TMED5: variants seen among roughly 807,000 people sequenced by gnomAD.
The protein encoded by TMED5 is transmembrane emp24 domain-containing protein 5.
Under a neutral mutation model 23.0 loss-of-function variants are expected in TMED5, and 27 were observed. The observed-to-expected ratio is 1.17, with a 90% CI of 0.86 to 1.62. The LOEUF (loss-of-function observed/expected upper bound fraction) is 1.62. Ranked by LOEUF, TMED5 falls within the 40% of genes most tolerant of loss-of-function variation. The pLI, the probability that TMED5 is intolerant of heterozygous loss-of-function variation, is 0.00. For missense variants in TMED5, 248 were observed against 273.7 expected (o/e 0.91, Z 0.66); for synonymous variants, 97 against 100.8 (o/e 0.96, Z 0.23).
chr1:93,180,369 G>C lies in TMED5; in HGVS notation c.-127C>G. 3 of 1,294,950 alleles carry C rather than the reference G, an allele frequency of 2.3e-6. No individual in the cohort carries two copies. Among genetic ancestry groups the C allele is most frequent in the Non-Finnish European group, 3.2e-6 (3 of 952,058 alleles). The allele number at this position is 1,294,950 out of a possible 1,614,324, so 80.2% of individuals were successfully genotyped here. A position where few individuals can be genotyped will look rare whatever the true frequency, so the allele number is the denominator to read the frequency against. On this transcript the variant is annotated 5_prime_UTR_variant, in exon 1 of 4. Coordinates refer to ENST00000370282, the MANE Select transcript of TMED5 (RefSeq NM_016040.5). ...TCTGAAGAAACTCCAGGTGGCGGCC[G>C]CGGCGGCGGCGAACACTCCCTCCGA...
rs1466194686 is a variant in TMED5, at chr1:93,150,950, C to G, written c.*3720G>C. On this transcript the variant is annotated 3_prime_UTR_variant, in exon 4 of 4. Transcript: ENST00000370282. The stretch of plus-strand genomic sequence containing the variant: ...TGTTAAAACAGAAACAAAAACAACA[C>G]AAGTACTAAAACGAGGGTTTTTGTT... 3.3e-5 allele frequency: 5 copies of G among 152,166 alleles called. No individual in the cohort carries two copies. The highest frequency in any genetic ancestry group is 7.3e-5 in the Non-Finnish European group (5 of 68,032). The allele number at this position is 152,166 out of a possible 1,614,324, so 9.4% of individuals were successfully genotyped here. A position where few individuals can be genotyped will look rare whatever the true frequency, so the allele number is the denominator to read the frequency against.
chr1:93,153,122 T>TCTAA lies in TMED5; in HGVS notation c.*1544_*1547dup, dbSNP rs1352501399. 1.3e-5 allele frequency: 2 copies of TCTAA among 152,730 alleles called. No homozygotes were observed. The highest frequency in any genetic ancestry group is 1.9e-4 in the East Asian group (1 of 5,186). The allele number at this position is 152,730 out of a possible 1,614,324, so 9.5% of individuals were successfully genotyped here. A position where few individuals can be genotyped will look rare whatever the true frequency, so the allele number is the denominator to read the frequency against. On this transcript the variant is annotated 3_prime_UTR_variant, in exon 4 of 4. Transcript: ENST00000370282. ...CTATACCCCAAATTTTAAGTTTGTT[T>TCTAA]CTAACTCACAATGTAGTCATAAACA...
chr1:93,179,990 TGA>T, intron 1 of TMED5, 62 bp downstream of exon 1: 1 of 1,513,462 alleles, frequency 6.6e-7, no homozygotes, highest in Non-Finnish European at 9.0e-7. Flanking sequence ...TCTAAACGGG[TGA>T]GAGGCGACAA....
At position 93,151,225 on chromosome 1, in the gene TMED5, T is replaced by C. The variant is rs1285892757; in HGVS notation, c.*3445A>G. 6.6e-6 allele frequency: 1 copy of C among 152,158 alleles called. No homozygotes were observed. Among genetic ancestry groups the C allele is most frequent in the Non-Finnish European group, 1.5e-5 (1 of 68,030 alleles). The allele number at this position is 152,158 out of a possible 1,614,324, so 9.4% of individuals were successfully genotyped here. ...AGAAGCCTTAGACACCTGAAAGTGA[T>C]AGCAGTGCAGAAGCAGAAAGGTGCC... On this transcript the variant is annotated 3_prime_UTR_variant, in exon 4 of 4. Coordinates refer to ENST00000370282, the MANE Select transcript of TMED5 (RefSeq NM_016040.5).
chr1:93,155,727 C>G (rs1288968720), intron 3 of TMED5, among the ~76,000 whole-genome samples: 1 of 151,992 alleles, frequency 6.6e-6, no homozygotes, highest in African/African-American at 2.4e-5. Flanking sequence ...TGATCCTCCC[C>G]CTAACCTTCT....
chr1:93,164,367 G>A (rs1370875732), intron 1 of TMED5, among the ~76,000 whole-genome samples: 1 of 152,130 alleles, frequency 6.6e-6, no homozygotes, highest in South Asian at 2.1e-4. Flanking sequence ...AGGTCATGAA[G>A]CTTTGGGGCT....
intron 2 of TMED5, chr1:93,158,974 T>C (rs1648172879): frequency 2.3e-6 from 1 of 439,790 alleles, no homozygotes; most frequent in Admixed American, 6.4e-5. Flanking sequence ...TAATAGCTTA[T>C]GCAAATATTT....
At chr1:93,168,823 A>C (rs1436998491) in intron 1 of TMED5, among the ~76,000 whole-genome samples, 2 of 152,194 alleles carry the variant, frequency 1.3e-5, no homozygotes, top group African/African-American at 2.4e-5. Flanking sequence ...CGACAGAGCG[A>C]GCAAGACTCT....
intron 2 of TMED5, among the ~76,000 whole-genome samples, chr1:93,159,361 G>A (rs1214006771): frequency 1.3e-5 from 2 of 152,030 alleles, no homozygotes; most frequent in Non-Finnish European, 2.9e-5. Flanking sequence ...TAATTTAGAA[G>A]CCTATAACAT....
In TMED5 at chr1:93,180,008, T is replaced by C. The variant is rs146899580; in HGVS notation, c.189+46A>G. 886 of 1,576,886 alleles carry C rather than the reference T, an allele frequency of 5.6e-4. 3 individuals carry two copies. In the African/African-American group the frequency reaches 0.01, roughly 19 times the overall value. On this transcript the variant is annotated intron_variant, in intron 1 of 3. Coordinates refer to ENST00000370282, the MANE Select transcript of TMED5 (RefSeq NM_016040.5). ...AAACGGGTGAGAGGCGACAACGCAG[T>C]GCAGCTGGGTTAAAGGAAGGAGGCT...
chr1:93,163,176 C>CA (rs1648347847), intron 1 of TMED5: 1 of 151,510 alleles, frequency 6.6e-6, no homozygotes, highest in Non-Finnish European at 1.5e-5. Flanking sequence ...CCTCCAAAAA[C>CA]AAAAAATATA....
At chr1:93,164,453 G>A (rs1648411097) in intron 1 of TMED5, among the ~76,000 whole-genome samples, 1 of 152,038 alleles carries the variant, frequency 6.6e-6, no homozygotes, top group Admixed American at 6.5e-5. Flanking sequence ...TCAGTAAAAG[G>A]GTTAATTTTT....
chr1:93,175,058 A>C (rs1186139973), intron 1 of TMED5, among the ~76,000 whole-genome samples: 1 of 148,220 alleles, frequency 6.7e-6, no homozygotes, highest in Non-Finnish European at 1.5e-5. Flanking sequence ...AAAAGTATAT[A>C]TACACACACA....
At chr1:93,177,672 CA>C (rs1207261041) in intron 1 of TMED5, among the ~76,000 whole-genome samples, 10 of 147,134 alleles carry the variant, frequency 6.8e-5, no homozygotes, top group Middle Eastern at 3.4e-3. Context: ...AAGCCAGCTA[CA>C]TAACTATAGA....
At chr1:93,155,286 T>G (rs1648026626) in intron 3 of TMED5, among the ~76,000 whole-genome samples, 1 of 152,216 alleles carries the variant, frequency 6.6e-6, no homozygotes, top group Admixed American at 6.5e-5. Flanking sequence ...CAATTTTAAG[T>G]TAGATGGCTG....
intron 1 of TMED5, among the ~76,000 whole-genome samples, chr1:93,176,044 A>C (rs1648899278): frequency 6.6e-6 from 1 of 152,198 alleles, no homozygotes. Context: ...CTTTTAAAAA[A>C]CACAGATCGA....
At chr1:93,164,944 CCT>C (rs1648437021) in intron 1 of TMED5, among the ~76,000 whole-genome samples, 1 of 152,208 alleles carries the variant, frequency 6.6e-6, no homozygotes, top group South Asian at 2.1e-4. Context: ...TTTCTCTTGC[CCT>C]CTTACTTGCT....
chr1:93,155,605 CTG>C (rs903737876), intron 3 of TMED5, among the ~76,000 whole-genome samples: 2 of 147,284 alleles, frequency 1.4e-5, no homozygotes, highest in African/African-American at 2.5e-5. Flanking sequence ...CAACCTGAGA[CTG>C]TGCCTGGTCA....
intron 1 of TMED5, among the ~76,000 whole-genome samples, chr1:93,163,382 T>C (rs1176828822): frequency 6.6e-6 from 1 of 151,324 alleles, no homozygotes; most frequent in African/African-American, 2.4e-5. Flanking sequence ...TCTCGCTTTG[T>C]TGCCCAGGCT....
Sources: gnomAD v4.1 joint callset for allele counts (sites outside exome capture counted in the v4.1 genomes callset) on GRCh38, gnomAD v4.1.1 for gene constraint, MANE v1.5 for transcripts, NCBI Gene and HGNC (gene_info 2026-07-23, HGNC 2026-07-21) for gene names.